Variants in DCLK2 observed in about 807,000 individuals in gnomAD.
The protein encoded by DCLK2 is doublecortin like kinase 2, also known as serine/threonine-protein kinase DCLK2.
DCLK2 carries 31 observed loss-of-function variants against 78.4 expected under a neutral mutation model. The observed-to-expected ratio is 0.40, with a 90% confidence interval of 0.30 to 0.53. DCLK2 has a LOEUF of 0.53. Ranked by LOEUF, DCLK2 falls within the 20% of genes least tolerant of loss-of-function variation. The pLI is 0.61. For synonymous variants in DCLK2, 407 were observed against 374.9 expected (o/e 1.09, Z -0.99); for missense variants, 872 against 973.7 (o/e 0.90, Z 1.39).
At chr4:150,123,165 T>G (rs1031336659) in intron 2 of DCLK2, among the ~76,000 whole-genome samples, 1 of 152,212 alleles carries the variant, frequency 6.6e-6, no homozygotes, top group Non-Finnish European at 1.5e-5. Context: ...ACTCAACTGT[T>G]TGGGGGAAGA....
chr4:150,126,340 A>C (rs950596721), intron 2 of DCLK2, among the ~76,000 whole-genome samples: 3 of 152,260 alleles, frequency 2.0e-5, no homozygotes, highest in African/African-American at 7.2e-5. Flanking sequence ...CTCTTATTGT[A>C]GTAGAAAAGA....
chr4:150,092,284 CT>C (rs1486864343), intron 1 of DCLK2, among the ~76,000 whole-genome samples: 3 of 152,158 alleles, frequency 2.0e-5, no homozygotes, highest in Non-Finnish European at 4.4e-5. Flanking sequence ...GTGCCAGTAT[CT>C]TTTTGGGATG....
At chr4:150,102,384 G>A (rs867844579) in intron 1 of DCLK2, 94 bp from the exon 2 acceptor site, 1 of 1,212,950 alleles carries the variant, frequency 8.2e-7, no homozygotes. Context: ...TAAGGTTAAG[G>A]GTTCACTTAA....
At chr4:150,186,930 A>G (rs1369756009) in intron 2 of DCLK2, among the ~76,000 whole-genome samples, 2 of 112,062 alleles carry the variant, frequency 1.8e-5, no homozygotes, top group Non-Finnish European at 4.3e-5. Context: ...GTGTGTGTGT[A>G]GTCTCATATA....
intron 2 of DCLK2, among the ~76,000 whole-genome samples, chr4:150,161,367 TC>T (rs976090266): frequency 9.5e-4 from 144 of 152,206 alleles, no homozygotes; most frequent in African/African-American, 3.2e-3. Context: ...TGATAGGCCT[TC>T]CCTCAAGAGC....
intron 10 of DCLK2, among the ~76,000 whole-genome samples, chr4:150,234,925 A>G (rs1169226080): frequency 6.6e-6 from 1 of 152,192 alleles, no homozygotes; most frequent in Non-Finnish European, 1.5e-5. Context: ...CCACCGTCGA[A>G]CTGAGTTTGG....
At chr4:150,090,738 G>T (rs926929286) in intron 1 of DCLK2, among the ~76,000 whole-genome samples, 1 of 152,004 alleles carries the variant, frequency 6.6e-6, no homozygotes, top group East Asian at 1.9e-4. Flanking sequence ...ATAGATATTC[G>T]TAGGGTCAAA....
At chr4:150,235,478 G>T (rs1742425298) in intron 10 of DCLK2, among the ~76,000 whole-genome samples, 1 of 152,164 alleles carries the variant, frequency 6.6e-6, no homozygotes, top group South Asian at 2.1e-4. Context: ...ACCTGTCCTA[G>T]ATGAGCGTCC....
At chr4:150,120,021 T>C (rs1011361159) in intron 2 of DCLK2, among the ~76,000 whole-genome samples, 2 of 152,238 alleles carry the variant, frequency 1.3e-5, no homozygotes, top group Non-Finnish European at 2.9e-5. Context: ...TGTATCTTAT[T>C]ATGAATGCCT....
At chr4:150,255,677 A>AAAAC (rs1444665351) in intron 15 of DCLK2, among the ~76,000 whole-genome samples, 3 of 152,170 alleles carry the variant, frequency 2.0e-5, no homozygotes, top group Non-Finnish European at 4.4e-5. Context: ...CACCCTTGTA[A>AAAAC]GGTTTGCTTA....
intron 3 of DCLK2, 52 bp from the exon 4 acceptor site, chr4:150,197,950 T>C (rs527690236): frequency 3.4e-6 from 5 of 1,460,114 alleles, no homozygotes; most frequent in Non-Finnish European, 4.7e-6. Flanking sequence ...TAACTCTGCT[T>C]TTGGTCGTTA....
In DCLK2 at chr4:150,123,999, C is replaced by G. The variant is rs577583862; in HGVS notation, c.756+21187C>G. On this transcript the variant is annotated intron_variant, in intron 2 of 15. Transcript: ENST00000296550. ...AAGTTGCAGTCAGCCAAGATCACAC[C>G]ACTGCACTCCAGCCTGTCTCAAAAA... 4.0e-5 allele frequency among the ~76,000 whole-genome samples: 6 copies of G among 151,128 alleles called. No individual in the cohort carries two copies. In the East Asian group the frequency reaches 1.2e-3, roughly 29 times the overall value.
intron 3 of DCLK2, among the ~76,000 whole-genome samples, chr4:150,193,773 T>C (rs940268380): frequency 5.3e-5 from 8 of 152,124 alleles, no homozygotes; most frequent in Admixed American, 5.2e-4. Context: ...ATTGAGACAG[T>C]GTCTCCTTTT....
chr4:150,170,355 A>G (rs547821313), intron 2 of DCLK2, among the ~76,000 whole-genome samples: 2 of 151,938 alleles, frequency 1.3e-5, no homozygotes, highest in African/African-American at 4.8e-5. Context: ...GTTTTTTTTT[A>G]AAAGAAAGAA....
At chr4:150,165,508 A>G (rs1410518732) in intron 2 of DCLK2, among the ~76,000 whole-genome samples, 1 of 152,246 alleles carries the variant, frequency 6.6e-6, no homozygotes, top group African/African-American at 2.4e-5. Context: ...TGTTGCCATA[A>G]GCAGCTGCAT....
chr4:150,180,417 G>A (rs1311797444), intron 2 of DCLK2, among the ~76,000 whole-genome samples: 1 of 152,070 alleles, frequency 6.6e-6, no homozygotes, highest in African/African-American at 2.4e-5. Context: ...TTTTGCTTTG[G>A]TTCTCAATTG....
chr4:150,138,279 G>A (rs1238296750), intron 2 of DCLK2, among the ~76,000 whole-genome samples: 1 of 152,200 alleles, frequency 6.6e-6, no homozygotes, highest in Non-Finnish European at 1.5e-5. Context: ...GTTGTGCAAG[G>A]TAGGTAATCT....
chr4:150,228,196 C>A (rs780086740), intron 8 of DCLK2, among the ~76,000 whole-genome samples: 1 of 152,188 alleles, frequency 6.6e-6, no homozygotes, highest in Non-Finnish European at 1.5e-5. Context: ...ACTGCAGAAC[C>A]CTTCATCACA....
chr4:150,120,539 A>G (rs1165359958), intron 2 of DCLK2, among the ~76,000 whole-genome samples: 2 of 152,214 alleles, frequency 1.3e-5, no homozygotes, highest in Non-Finnish European at 2.9e-5. Flanking sequence ...TTGGAGAAAA[A>G]TAGTGCTACA....
Sources: gnomAD v4.1 joint callset for allele counts (sites outside exome capture counted in the v4.1 genomes callset) on GRCh38, gnomAD v4.1.1 for gene constraint, MANE v1.5 for transcripts, NCBI Gene and HGNC (gene_info 2026-07-23, HGNC 2026-07-21) for gene names.